Variants in SDK1 observed in about 807,000 individuals in gnomAD.
The protein encoded by SDK1 is sidekick cell adhesion molecule 1.
In SDK1, 157 loss-of-function variants were observed where a neutral mutation model predicts 245.5. That is an observed-to-expected ratio of 0.64 (90% CI 0.56 to 0.73). SDK1 has a LOEUF of 0.73. SDK1 is among the 30% of genes least tolerant of loss of function. SDK1 has a pLI of 0.00. For synonymous variants in SDK1, 1,647 were observed against 1,278.5 expected (o/e 1.29, Z -6.15); for missense variants, 3,583 against 3,002.3 (o/e 1.19, Z -4.52).
chr7:3,496,330 T>C (rs1450957443), intron 1 of SDK1, among the ~76,000 whole-genome samples: 2 of 152,208 alleles, frequency 1.3e-5, no homozygotes, highest in African/African-American at 4.8e-5. Flanking sequence ...TCCCTGGCAA[T>C]AGCACTGTTT....
chr7:4,102,149 G>A (rs971038874), intron 22 of SDK1, among the ~76,000 whole-genome samples: 7 of 152,180 alleles, frequency 4.6e-5, no homozygotes, highest in East Asian at 1.9e-4. Flanking sequence ...CGAGTCCCCT[G>A]CCGGCTTATG....
chr7:3,614,552 C>G (rs1382095392), intron 1 of SDK1, among the ~76,000 whole-genome samples: 1 of 152,212 alleles, frequency 6.6e-6, no homozygotes, highest in African/African-American at 2.4e-5. Context: ...ATGTAAAGAT[C>G]AAATGCTTTT....
intron 31 of SDK1, among the ~76,000 whole-genome samples, 186 bp downstream of exon 31, chr7:4,158,737 A>G (rs992701058): frequency 1.3e-5 from 2 of 152,254 alleles, no homozygotes; most frequent in African/African-American, 4.8e-5. Flanking sequence ...CAAGGTTTCA[A>G]GGGCTTCCAA....
chr7:4,104,554 T>C (rs1490598078), intron 22 of SDK1, among the ~76,000 whole-genome samples: 1 of 152,218 alleles, frequency 6.6e-6, no homozygotes, highest in South Asian at 2.1e-4. Context: ...TTTGATCTTA[T>C]TGAGCATTCT....
At chr7:4,018,751 T>C (rs1452754900) in intron 17 of SDK1, among the ~76,000 whole-genome samples, 4 of 152,166 alleles carry the variant, frequency 2.6e-5, no homozygotes, top group South Asian at 2.1e-4. Context: ...CTGGCTTTTA[T>C]TCAGTTGGCA....
chr7:4,074,888 A>G (rs56371839), intron 20 of SDK1, among the ~76,000 whole-genome samples: 826 of 60,320 alleles, frequency 0.014, 54 homozygotes, highest in African/African-American at 0.075. Context: ...CTCTCTCTGT[A>G]TATATATATA....
Position 3,619,215 on chromosome 7 carries a change from T to C in SDK1, c.434T>C (p.Leu145Pro), listed in dbSNP as rs1283761537. The C allele has an allele frequency of 1.2e-6, 2 of 1,612,408 alleles. No homozygotes were observed. The change falls in exon 2 of 45, where the codon CTC becomes CCC. Residue 145 changes from leucine (L) to proline (P), a missense_variant. Coordinates refer to ENST00000404826, the MANE Select transcript of SDK1 (RefSeq NM_152744.4). ...EFKWMRDDSE[L>P]TTYSSEYKYI... ...AAGTGGATGCGCGATGACAGTGAGC[T>C]CACCACCTACAGCAGCGAATATAAG...
intron 5 of SDK1, among the ~76,000 whole-genome samples, chr7:3,834,647 A>T (rs1210994401): frequency 6.6e-6 from 1 of 152,184 alleles, no homozygotes; most frequent in African/African-American, 2.4e-5. Flanking sequence ...AGTGCCCCCC[A>T]GGAAGACTCT....
intron 4 of SDK1, among the ~76,000 whole-genome samples, chr7:3,725,937 G>A (rs1416541306): frequency 6.6e-6 from 1 of 152,144 alleles, no homozygotes; most frequent in African/African-American, 2.4e-5. Context: ...AATAATGACC[G>A]GTTTGAGAAA....
Position 3,780,993 on chromosome 7 carries a change from A to G in SDK1, c.714-40457A>G, listed in dbSNP as rs560051611. 2.0e-5 allele frequency among the ~76,000 whole-genome samples: 3 copies of G among 152,226 alleles called. No individual in the cohort carries two copies. In the East Asian group the frequency reaches 5.8e-4, roughly 29 times the overall value. On this transcript the variant is annotated intron_variant, in intron 4 of 44. Transcript: ENST00000404826. ...CGTAAGCAGGGAGACTCCCACCTTCATGGATTTCAGAAAAGCATAGAGGCT... is the reference window on the plus strand; with the variant it reads ...CGTAAGCAGGGAGACTCCCACCTTCGTGGATTTCAGAAAAGCATAGAGGCT...
chr7:4,139,659 G>A lies in SDK1; in HGVS notation c.4229-6063G>A, dbSNP rs199579069. On this transcript the variant is annotated intron_variant, in intron 28 of 44. Transcript: ENST00000404826. Reference sequence around the variant, plus strand: ...TATATGTGTGTGTATATGTGTGTGTGTATATGTGTGTGTGTATATGTGTGT... The same window carrying A: ...TATATGTGTGTGTATATGTGTGTGTATATATGTGTGTGTGTATATGTGTGT... Among the ~76,000 whole-genome samples the A allele has an allele frequency of 3.1e-4, 29 of 93,268 alleles. 1 individual carries two copies. Among genetic ancestry groups the A allele is most frequent in the African/African-American group, 1.3e-3 (27 of 20,504 alleles). 61.2% of individuals were successfully genotyped at this position (93,268 alleles called of 152,430 possible).
chr7:3,874,193 ATTC>A (rs1002988635), intron 5 of SDK1, among the ~76,000 whole-genome samples: 8 of 152,304 alleles, frequency 5.3e-5, no homozygotes, highest in East Asian at 1.9e-4. Context: ...GGTTACCCTC[ATTC>A]TACTCGAGGC....
intron 22 of SDK1, among the ~76,000 whole-genome samples, chr7:4,108,378 A>G (rs1338904015): frequency 6.6e-6 from 1 of 152,010 alleles, no homozygotes; most frequent in African/African-American, 2.4e-5. Flanking sequence ...TGAAGTGAGG[A>G]TTTGAGGGTT....
chr7:4,260,650 G>A (rs1419048244), intron 44 of SDK1, among the ~76,000 whole-genome samples: 1 of 148,518 alleles, frequency 6.7e-6, no homozygotes, highest in African/African-American at 2.5e-5. Flanking sequence ...CGGGGTCTCT[G>A]GGTGTGTGGG....
chr7:3,322,009 G>GT (rs75658453), intron 1 of SDK1, among the ~76,000 whole-genome samples: 32,361 of 141,968 alleles, frequency 0.23, 4,020 homozygotes, highest in African/African-American at 0.36. Flanking sequence ...TCTTTCTAAA[G>GT]TTTTTTTTTT....
chr7:3,985,453 G>A (rs981878839), intron 13 of SDK1, among the ~76,000 whole-genome samples: 11 of 152,088 alleles, frequency 7.2e-5, no homozygotes, highest in African/African-American at 2.4e-4. Flanking sequence ...TGGCATTTCC[G>A]CCTCTAATGG....
At chr7:3,480,813 G>C (rs1449884748) in intron 1 of SDK1, among the ~76,000 whole-genome samples, 1 of 152,212 alleles carries the variant, frequency 6.6e-6, no homozygotes, top group Non-Finnish European at 1.5e-5. Context: ...GTGAGGAAAT[G>C]GATTCATCTC....
chr7:3,389,035 T>C (rs780712973), intron 1 of SDK1, among the ~76,000 whole-genome samples: 1 of 152,204 alleles, frequency 6.6e-6, no homozygotes. Flanking sequence ...TAGCGTAGTT[T>C]GGAAAGGCCT....
chr7:3,961,965 A>G (rs1781720805), intron 8 of SDK1, among the ~76,000 whole-genome samples: 2 of 150,828 alleles, frequency 1.3e-5, no homozygotes, highest in South Asian at 2.1e-4. Flanking sequence ...GCATACACAC[A>G]TAAACACATG....
Sources: allele counts gnomAD v4.1 joint callset (sites outside exome capture counted in the v4.1 genomes callset), GRCh38; gene constraint gnomAD v4.1.1; transcripts MANE v1.5; gene names NCBI Gene and HGNC (gene_info 2026-07-23, HGNC 2026-07-21).